Variants in JMJD1C observed in about 807,000 individuals in gnomAD.
JMJD1C encodes the protein jumonji domain-containing protein 1C.
A neutral mutation model predicts 245.3 loss-of-function variants in JMJD1C; 31 were observed. That is an observed-to-expected ratio of 0.13 (90% CI 0.09 to 0.17). JMJD1C has a LOEUF of 0.17. Ranked by LOEUF, JMJD1C falls within the 10% of genes least tolerant of loss-of-function variation. The probability of loss-of-function intolerance (pLI) is 1.00; values close to 1 mark genes in which losing one functional copy is unlikely to be tolerated. For missense variants in JMJD1C, 2,691 were observed against 3,000.2 expected, an observed-to-expected ratio of 0.90 and a Z score of 2.41; for synonymous variants, 1,057 against 1,017.4, an observed-to-expected ratio of 1.04 and a Z score of -0.74.
intron 2 of JMJD1C, among the ~76,000 whole-genome samples, chr10:63,357,576 G>A (rs1030355553): frequency 6.6e-6 from 1 of 152,042 alleles, no homozygotes; most frequent in Non-Finnish European, 1.5e-5. Context: ...AACGTGCTGG[G>A]ATTACAGGTA....
At chr10:63,403,301 T>A (rs1948972839) in intron 1 of JMJD1C, among the ~76,000 whole-genome samples, 1 of 152,218 alleles carries the variant, frequency 6.6e-6, no homozygotes, top group African/African-American at 2.4e-5. Context: ...ACCAATTTAG[T>A]AAGACTGACA....
chr10:63,191,516 T>C (rs528513238), intron 16 of JMJD1C, among the ~76,000 whole-genome samples: 2 of 152,258 alleles, frequency 1.3e-5, no homozygotes, highest in African/African-American at 4.8e-5. Flanking sequence ...AGATAAAAAC[T>C]GAAGGAAGCA....
intron 3 of JMJD1C, among the ~76,000 whole-genome samples, chr10:63,240,048 C>T (rs757406312): frequency 3.9e-5 from 6 of 152,144 alleles, no homozygotes; most frequent in South Asian, 4.1e-4. Context: ...TTATTATCTA[C>T]CTGGCCTCTC....
chr10:63,505,453 GATTT>G (rs1954689807), intron 1 of JMJD1C, among the ~76,000 whole-genome samples: 1 of 152,086 alleles, frequency 6.6e-6, no homozygotes, highest in African/African-American at 2.4e-5. Context: ...GAAAATTCAA[GATTT>G]TAGAGATGGA....
At chr10:63,219,747 C>A in intron 4 of JMJD1C, 131 bp downstream of exon 4, 1 of 541,614 alleles carries the variant, frequency 1.8e-6, no homozygotes, top group South Asian at 2.9e-5. Flanking sequence ...CTATTATTTT[C>A]CTGGATGTAT....
intron 3 of JMJD1C, among the ~76,000 whole-genome samples, chr10:63,260,297 GTTAGT>G (rs993844686): frequency 2.0e-4 from 31 of 152,278 alleles, no homozygotes; most frequent in African/African-American, 7.2e-4. Flanking sequence ...ACCAAGCCAG[GTTAGT>G]TGGTATGAAT....
At chr10:63,301,949 G>T (rs1860144392) in intron 2 of JMJD1C, 2 of 267,854 alleles carry the variant, frequency 7.5e-6, no homozygotes, top group Non-Finnish European at 1.5e-5. Flanking sequence ...AGTACATACA[G>T]AACTACTTCA....
intron 1 of JMJD1C, among the ~76,000 whole-genome samples, chr10:63,463,228 A>G (rs912774954): frequency 6.6e-6 from 1 of 152,110 alleles, no homozygotes; most frequent in Non-Finnish European, 1.5e-5. Context: ...GCAGTGGCAT[A>G]ATCTTGGCTC....
chr10:63,363,247 C>T (rs1589586477), intron 2 of JMJD1C, among the ~76,000 whole-genome samples: 2 of 135,808 alleles, frequency 1.5e-5, no homozygotes, highest in East Asian at 2.2e-4. Context: ...TCTCTTCATA[C>T]AATTCTTTTT....
chr10:63,192,070 T>C (rs1211494296), intron 16 of JMJD1C, among the ~76,000 whole-genome samples: 1 of 149,562 alleles, frequency 6.7e-6, no homozygotes, highest in African/African-American at 2.5e-5. Flanking sequence ...CTCTGGTGGC[T>C]ATATCAATAT....
At chr10:63,222,835 A>G in intron 3 of JMJD1C, 1 of 1,437,032 alleles carries the variant, frequency 7.0e-7, no homozygotes, top group South Asian at 1.1e-5. Context: ...CTTGGTGTGG[A>G]GTCAAAAGTA....
chr10:63,436,904 C>T (rs1323649181), intron 1 of JMJD1C, among the ~76,000 whole-genome samples: 2 of 152,110 alleles, frequency 1.3e-5, no homozygotes, highest in East Asian at 1.9e-4. Flanking sequence ...ATGCCACTAC[C>T]TCCTATTTTT....
At position 63,204,028 on chromosome 10, in the gene JMJD1C, T is replaced by C. The variant is rs564839304; in HGVS notation, c.5074+2567A>G. 20 of 965,116 alleles carry C rather than the reference T, an allele frequency of 2.1e-5. No individual in the cohort carries two copies. The South Asian group carries it at 2.9e-4, about 14-fold the overall frequency. The allele number at this position is 965,116 out of a possible 1,614,324, so 59.8% of individuals were successfully genotyped here. A position where few individuals can be genotyped will look rare whatever the true frequency, so the allele number is the denominator to read the frequency against. Reference sequence around the variant, plus strand: ...TGCTCAGGAGACTGAGGCAGGAGGATTGCCTGAGCCCAGGAGTTGGAGGCT... The same window carrying C: ...TGCTCAGGAGACTGAGGCAGGAGGACTGCCTGAGCCCAGGAGTTGGAGGCT... On this transcript the variant is annotated intron_variant, in intron 10 of 25. Coordinates refer to ENST00000399262, the MANE Select transcript of JMJD1C (RefSeq NM_032776.3).
At chr10:63,482,891 GGTCA>G (rs2133191564) in intron 1 of JMJD1C, among the ~76,000 whole-genome samples, 1 of 152,248 alleles carries the variant, frequency 6.6e-6, no homozygotes, top group African/African-American at 2.4e-5. Flanking sequence ...TGCTAAGAAA[GGTCA>G]GTAACAGCCC....
chr10:63,351,155 T>G (rs966922839), intron 2 of JMJD1C, among the ~76,000 whole-genome samples: 20 of 146,598 alleles, frequency 1.4e-4, no homozygotes, highest in Non-Finnish European at 2.9e-4. Flanking sequence ...CTCGGCCCAC[T>G]GCAACCTCTG....
intron 1 of JMJD1C, among the ~76,000 whole-genome samples, chr10:63,461,258 T>C (rs1046378734): frequency 3.3e-5 from 5 of 152,180 alleles, no homozygotes; most frequent in Non-Finnish European, 7.4e-5. Flanking sequence ...AAAAAACCAA[T>C]TTTGCTATAG....
intron 2 of JMJD1C, among the ~76,000 whole-genome samples, chr10:63,267,147 G>A (rs1855673762): frequency 6.6e-6 from 1 of 152,184 alleles, no homozygotes; most frequent in Admixed American, 6.5e-5. Context: ...AGTATATCAT[G>A]CTTCTTAAAT....
At chr10:63,404,150 T>C (rs1012735709) in intron 1 of JMJD1C, among the ~76,000 whole-genome samples, 2 of 151,880 alleles carry the variant, frequency 1.3e-5, no homozygotes, top group East Asian at 3.9e-4. Context: ...TCATAAAGAC[T>C]AGAGAGACAA....
intron 25 of JMJD1C, 42 bp from the exon 26 acceptor site, chr10:63,168,176 GAAA>G: frequency 7.4e-7 from 1 of 1,345,790 alleles, no homozygotes; most frequent in Non-Finnish European, 1.0e-6. Context: ...CAGTTCGACA[GAAA>G]TTAATTAAAA....
Sources: allele counts gnomAD v4.1 joint callset (sites outside exome capture counted in the v4.1 genomes callset), GRCh38; gene constraint gnomAD v4.1.1; transcripts MANE v1.5; gene names NCBI Gene and HGNC (gene_info 2026-07-23, HGNC 2026-07-21).